Variants in MAP4 observed in about 807,000 individuals in gnomAD.
The protein encoded by MAP4 is microtubule associated protein 4.
A neutral mutation model predicts 170.2 loss-of-function variants in MAP4; 76 were observed. The ratio of observed to expected loss-of-function variants is 0.45; its 90% confidence interval spans 0.37 to 0.54. The LOEUF is 0.54. MAP4 is among the 20% of genes least tolerant of loss of function. The pLI is 0.00. For missense variants in MAP4, 2,506 were observed against 2,748.0 expected, an observed-to-expected ratio of 0.91 and a Z score of 1.97; for synonymous variants, 909 against 994.5, an observed-to-expected ratio of 0.91 and a Z score of 1.62.
At position 47,851,069 on chromosome 3, in the gene MAP4, C is replaced by T. The variant is rs1559738663; in HGVS notation, c.*1865G>A. The T allele has an allele frequency of 6.6e-6, 1 of 152,294 alleles. No individual in the cohort carries two copies. Among genetic ancestry groups the T allele is most frequent in the Non-Finnish European group, 1.5e-5 (1 of 68,096 alleles). 9.4% of individuals were successfully genotyped at this position (152,294 alleles called of 1,614,324 possible). A position where few individuals can be genotyped will look rare whatever the true frequency, so the allele number is the denominator to read the frequency against. ...GTACTCTGGGCCTGTGCTGTTGCCC[C>T]TGAGGTGTCTCCTGACTACGCAACC... On this transcript the variant is annotated 3_prime_UTR_variant, in exon 21 of 21. Transcript: ENST00000683076.
At chr3:47,880,473 T>TTG (rs1298565977) in intron 10 of MAP4, among the ~76,000 whole-genome samples, 44 of 146,188 alleles carry the variant, frequency 3.0e-4, no homozygotes, top group African/African-American at 1.1e-3. Context: ...CAGTTTTTTT[T>TTG]TTTTTTTTTT....
rs1356491593 is a variant in MAP4 at position 47,891,623 on chromosome 3, G to A, written c.5434+11327C>T. ...GCGCACTGCCTTTTTCTGCTGGGGG[G>A]CTTGGTTGAGCACAGCCTCCTCGGT... is the stretch of plus-strand genomic sequence containing the variant. On this transcript the variant is annotated intron_variant, in intron 10 of 20. Transcript: ENST00000683076. The A allele has an allele frequency of 2.6e-6, 4 of 1,536,036 alleles. No homozygotes were observed. The South Asian group carries it at 4.8e-5, about 18-fold the overall frequency.
chr3:47,999,772 C>A lies in MAP4; in HGVS notation c.-19-893G>T, dbSNP rs377396052. Among the ~76,000 whole-genome samples, 206 of 151,078 alleles carry A rather than the reference C, an allele frequency of 1.4e-3. 3 individuals are homozygous for A. The South Asian group carries it at 0.04, about 30-fold the overall frequency. ...CTAGACTTAATTGAAATAATCTGTACAACAAACCCTTGTGACATGTGTTTA... is the reference window on the plus strand; with the variant it reads ...CTAGACTTAATTGAAATAATCTGTAAAACAAACCCTTGTGACATGTGTTTA... On this transcript the variant is annotated intron_variant, in intron 1 of 20. Transcript: ENST00000683076.
At chr3:47,930,173 C>T (rs1231431950) in intron 3 of MAP4, among the ~76,000 whole-genome samples, 2 of 150,290 alleles carry the variant, frequency 1.3e-5, no homozygotes, top group East Asian at 4.0e-4. Context: ...AGGCCGGGCG[C>T]GGTGGCTCAC....
intron 10 of MAP4, among the ~76,000 whole-genome samples, chr3:47,880,661 G>A (rs2096570374): frequency 6.6e-6 from 1 of 151,858 alleles, no homozygotes; most frequent in African/African-American, 2.4e-5. Context: ...TTGAAGAGAT[G>A]GAGGTCTTGC....
intron 9 of MAP4, among the ~76,000 whole-genome samples, chr3:47,904,235 ATG>A (rs1004946799): frequency 9.2e-5 from 14 of 152,228 alleles, no homozygotes; most frequent in African/African-American, 3.1e-4. Flanking sequence ...GTGTTATTTT[ATG>A]TGTGTGTGTA....
intron 1 of MAP4, among the ~76,000 whole-genome samples, chr3:48,073,387 GGAT>G (rs78662837): frequency 0.042 from 6,398 of 151,450 alleles, 307 homozygotes; most frequent in East Asian, 0.14. Flanking sequence ...GAGGCGGGTG[GGAT>G]CACCTGAGGT....
At chr3:47,928,178 C>T (rs1331698678) in intron 4 of MAP4, 50 bp downstream of exon 4, 1 of 1,604,884 alleles carries the variant, frequency 6.2e-7, no homozygotes, top group Non-Finnish European at 8.5e-7. Context: ...AGCTTTTTCA[C>T]ATTTATGTCA....
chr3:48,058,261 G>A (rs1236409851), intron 1 of MAP4, among the ~76,000 whole-genome samples: 1 of 152,168 alleles, frequency 6.6e-6, no homozygotes, highest in East Asian at 1.9e-4. Flanking sequence ...CATTATTTTG[G>A]CTAATTTATT....
chr3:47,891,133 C>A (rs1376766544), intron 10 of MAP4: 2 of 1,536,352 alleles, frequency 1.3e-6, no homozygotes, highest in Middle Eastern at 1.7e-4. Context: ...TCTCTCCTCG[C>A]TGGCAAACCT....
intron 4 of MAP4, among the ~76,000 whole-genome samples, chr3:47,925,105 C>G (rs985521222): frequency 6.6e-6 from 1 of 152,152 alleles, no homozygotes; most frequent in Non-Finnish European, 1.5e-5. Context: ...CCACCGTGCC[C>G]GGCTGAAGCT....
At chr3:47,936,327 C>T (rs1184212435) in intron 3 of MAP4, among the ~76,000 whole-genome samples, 1 of 151,480 alleles carries the variant, frequency 6.6e-6, no homozygotes, top group African/African-American at 2.4e-5. Flanking sequence ...CCCAGCTACT[C>T]GGGAGGCTGA....
intron 2 of MAP4, among the ~76,000 whole-genome samples, chr3:47,981,836 C>T (rs1228698694): frequency 6.6e-6 from 1 of 151,434 alleles, no homozygotes; most frequent in Non-Finnish European, 1.5e-5. Flanking sequence ...ATGATAGCTA[C>T]AAAAACAGGA....
At chr3:47,977,831 C>T (rs759681499) in intron 3 of MAP4, 34 bp downstream of exon 3, 1 of 1,451,740 alleles carries the variant, frequency 6.9e-7, no homozygotes, top group South Asian at 1.2e-5. Flanking sequence ...AAGTGCATCA[C>T]CTACACATTT....
chr3:47,913,650 G>A (rs1458433604), intron 8 of MAP4, among the ~76,000 whole-genome samples: 1 of 152,102 alleles, frequency 6.6e-6, no homozygotes, highest in Non-Finnish European at 1.5e-5. Flanking sequence ...TATACCATAA[G>A]CACTTGATAA....
intron 1 of MAP4, among the ~76,000 whole-genome samples, chr3:48,060,534 G>A (rs543307158): frequency 9.2e-5 from 14 of 152,214 alleles, no homozygotes; most frequent in Non-Finnish European, 2.1e-4. Context: ...ATTCTGATCT[G>A]CAAAATACAC....
At chr3:48,021,989 CA>C (rs2100110792) in intron 1 of MAP4, among the ~76,000 whole-genome samples, 1 of 150,514 alleles carries the variant, frequency 6.6e-6, no homozygotes, top group Non-Finnish European at 1.5e-5. Flanking sequence ...TATGGAAAAA[CA>C]AAACAAAACA....
chr3:47,963,879 G>A (rs2100073196), intron 3 of MAP4, among the ~76,000 whole-genome samples: 1 of 152,154 alleles, frequency 6.6e-6, no homozygotes, highest in African/African-American at 2.4e-5. Context: ...AATAGAAGGG[G>A]TGCAATTTTT....
chr3:47,912,445 C>T (rs1028669619), intron 8 of MAP4, 24 bp from the exon 9 acceptor site: 46 of 1,448,370 alleles, frequency 3.2e-5, no homozygotes, highest in Non-Finnish European at 4.0e-5. Context: ...CAAAAAACTC[C>T]TCGTTATTGT....
Sources: allele counts gnomAD v4.1 joint callset (sites outside exome capture counted in the v4.1 genomes callset), GRCh38; gene constraint gnomAD v4.1.1; transcripts MANE v1.5; gene names NCBI Gene and HGNC (gene_info 2026-07-23, HGNC 2026-07-21).